RGS7: variants seen among roughly 807,000 people sequenced by gnomAD.
The protein encoded by RGS7 is regulator of G protein signaling 7, also known as regulator of G-protein signaling 7.
In RGS7, 27 loss-of-function variants were observed where a neutral mutation model predicts 81.1. The ratio of observed to expected loss-of-function variants is 0.33; its 90% confidence interval spans 0.25 to 0.46. RGS7 has a LOEUF of 0.46. Among genes scored for constraint, RGS7 ranks in the 20% least tolerant of loss-of-function variants. The pLI is 1.00. For missense variants in RGS7, 396 were observed against 607.4 expected (o/e 0.65, Z 3.66); for synonymous variants, 208 against 207.7 (o/e 1.00, Z -0.01).
intron 6 of RGS7, among the ~76,000 whole-genome samples, chr1:240,884,989 A>G (rs1037208759): frequency 6.6e-6 from 1 of 152,316 alleles, no homozygotes. Context: ...AGGAGAAAAT[A>G]TTTGCAAACT....
At chr1:241,010,385 C>G (rs1030280604) in intron 3 of RGS7, among the ~76,000 whole-genome samples, 1 of 152,122 alleles carries the variant, frequency 6.6e-6, no homozygotes, top group African/African-American at 2.4e-5. Context: ...TGGATTTAAA[C>G]AGTTAAGGCA....
intron 2 of RGS7, among the ~76,000 whole-genome samples, chr1:241,306,453 C>T (rs2080146083): frequency 6.7e-6 from 1 of 149,658 alleles, no homozygotes; most frequent in African/African-American, 2.5e-5. Context: ...CCCACACAGG[C>T]ACATATGCAC....
chr1:241,100,209 A>G (rs2064619610), intron 2 of RGS7, among the ~76,000 whole-genome samples: 1 of 150,136 alleles, frequency 6.7e-6, no homozygotes, highest in Admixed American at 6.6e-5. Flanking sequence ...CCCCATCTCT[A>G]CTAAAAATAC....
intron 9 of RGS7, among the ~76,000 whole-genome samples, chr1:240,846,927 C>T (rs952691194): frequency 6.6e-6 from 1 of 152,106 alleles, no homozygotes; most frequent in African/African-American, 2.4e-5. Context: ...ATAGCCTTGG[C>T]CAACAGCTTG....
chr1:240,944,304 A>G (rs796479719), intron 4 of RGS7, among the ~76,000 whole-genome samples: 5,448 of 124,934 alleles, frequency 0.044, 353 homozygotes, highest in South Asian at 0.062. Flanking sequence ...ATATATATAT[A>G]TATATATATA....
At chr1:241,204,743 A>G (rs1573116340) in intron 2 of RGS7, among the ~76,000 whole-genome samples, 3 of 152,126 alleles carry the variant, frequency 2.0e-5, no homozygotes, top group Middle Eastern at 6.8e-3. Context: ...AGCAATGTTA[A>G]TGATGGCACA....
chr1:240,928,313 G>A (rs907460835), intron 6 of RGS7, among the ~76,000 whole-genome samples: 3 of 152,050 alleles, frequency 2.0e-5, no homozygotes, highest in Non-Finnish European at 4.4e-5. Flanking sequence ...CTGTTCTTTG[G>A]TTTCTTGGCT....
chr1:240,824,677 T>G (rs1487261987), intron 10 of RGS7, among the ~76,000 whole-genome samples: 1 of 152,224 alleles, frequency 6.6e-6, no homozygotes, highest in Non-Finnish European at 1.5e-5. Context: ...CCCTTTGTCA[T>G]ATGTCATGGA....
chr1:240,968,246 C>T (rs1007086522), intron 4 of RGS7, among the ~76,000 whole-genome samples: 9 of 152,154 alleles, frequency 5.9e-5, no homozygotes, highest in African/African-American at 1.7e-4. Flanking sequence ...AAGCCTCAGG[C>T]CTTTGAAAAC....
At chr1:241,004,960 G>A (rs1256183568) in intron 3 of RGS7, among the ~76,000 whole-genome samples, 2 of 152,190 alleles carry the variant, frequency 1.3e-5, no homozygotes, top group Non-Finnish European at 2.9e-5. Context: ...TTGCTTCTGA[G>A]GCTGCTTCAG....
At chr1:240,831,783 G>A (rs559896216) in intron 9 of RGS7, among the ~76,000 whole-genome samples, 1 of 151,986 alleles carries the variant, frequency 6.6e-6, no homozygotes, top group East Asian at 1.9e-4. Flanking sequence ...TTACAGGCGG[G>A]TGCCACCACA....
chr1:241,027,623 TG>T (rs59155388), intron 3 of RGS7, among the ~76,000 whole-genome samples: 28,850 of 151,802 alleles, frequency 0.19, 3,653 homozygotes, highest in African/African-American at 0.36. Context: ...ATTCTTCTAG[TG>T]ACAGAACCAA....
Position 241,008,545 on chromosome 1 carries a change from G to A in RGS7, c.176-25416C>T, listed in dbSNP as rs890430338. Among the ~76,000 whole-genome samples, 5 of 152,236 alleles carry A rather than the reference G, an allele frequency of 3.3e-5. No homozygotes were observed. In the South Asian group the frequency reaches 1.0e-3, roughly 32 times the overall value. On this transcript the variant is annotated intron_variant, in intron 3 of 18. Coordinates refer to ENST00000440928, the MANE Select transcript of RGS7 (RefSeq NM_001364886.1). The stretch of plus-strand genomic sequence containing the variant: ...AATCAACTCTGAGTGACTCAATGGG[G>A]CTTCTGTGTTTGAAAATTGTAAAAA...
At chr1:240,970,843 G>A (rs1050424541) in intron 4 of RGS7, among the ~76,000 whole-genome samples, 25 of 152,070 alleles carry the variant, frequency 1.6e-4, no homozygotes, top group African/African-American at 6.0e-4. Context: ...AATTAGCGTG[G>A]TGGTGTGCCC....
At chr1:241,074,999 C>G (rs982807435) in intron 3 of RGS7, among the ~76,000 whole-genome samples, 1 of 152,130 alleles carries the variant, frequency 6.6e-6, no homozygotes, top group South Asian at 2.1e-4. Flanking sequence ...ATTTGCCCCC[C>G]ACAACTCTTA....
chr1:240,944,314 A>G (rs1322091236), intron 4 of RGS7, among the ~76,000 whole-genome samples: 40 of 127,322 alleles, frequency 3.1e-4, no homozygotes, highest in South Asian at 5.1e-4. Flanking sequence ...ATATATATAT[A>G]TATATATATA....
chr1:241,048,488 C>T (rs540267074), intron 3 of RGS7, among the ~76,000 whole-genome samples: 77 of 152,250 alleles, frequency 5.1e-4, no homozygotes, highest in Non-Finnish European at 9.9e-4. Context: ...AGCCTCTCAC[C>T]CACAGGCCAT....
chr1:241,296,358 C>T (rs1339735325), intron 2 of RGS7, among the ~76,000 whole-genome samples: 1 of 152,146 alleles, frequency 6.6e-6, no homozygotes, highest in African/African-American at 2.4e-5. Flanking sequence ...AAGAGAGTCA[C>T]CCTTGATGTG....
chr1:241,301,997 A>T (rs1314072676), intron 2 of RGS7, among the ~76,000 whole-genome samples: 2 of 152,244 alleles, frequency 1.3e-5, no homozygotes, highest in Non-Finnish European at 2.9e-5. Context: ...AGCACTGTGG[A>T]TCAGGAGTTC....
Sources: gnomAD v4.1 joint callset for allele counts (sites outside exome capture counted in the v4.1 genomes callset) on GRCh38, gnomAD v4.1.1 for gene constraint, MANE v1.5 for transcripts, NCBI Gene and HGNC (gene_info 2026-07-23, HGNC 2026-07-21) for gene names.